Variants in CYCS observed in about 807,000 individuals in gnomAD.
The protein encoded by CYCS is cytochrome c, somatic.
For missense variants in CYCS, 87 were observed against 125.3 expected, an observed-to-expected ratio of 0.69 and a Z score of 1.46; for synonymous variants, 41 against 43.0, an observed-to-expected ratio of 0.95 and a Z score of 0.18.
Position 25,122,513 on chromosome 7 carries a change from G to C in CYCS, c.*1188C>G, listed in dbSNP as rs1334686294. ...GACTACTCTAAATGTGTATGGCACAGACTATGCATGAAATAATTCAGTATG... is the reference window on the plus strand; with the variant it reads ...GACTACTCTAAATGTGTATGGCACACACTATGCATGAAATAATTCAGTATG... On this transcript the variant is annotated 3_prime_UTR_variant, in exon 3 of 3. Coordinates refer to ENST00000305786, the MANE Select transcript of CYCS (RefSeq NM_018947.6). The C allele has an allele frequency of 2.0e-5, 3 of 152,192 alleles. No individual in the cohort carries two copies. The highest frequency in any genetic ancestry group is 4.4e-5 in the Non-Finnish European group (3 of 68,038). The allele number at this position is 152,192 out of a possible 1,614,324, so 9.4% of individuals were successfully genotyped here.
rs1489903252 is a variant in CYCS at position 25,119,677 on chromosome 7, G to A, written c.*4024C>T. ...CTACACTGCAGCCTCGAACTTCTGG[G>A]CACAAGCAGTCCTCCTGCCTCAGAG... is the stretch of plus-strand genomic sequence containing the variant. On this transcript the variant is annotated 3_prime_UTR_variant, in exon 3 of 3. Coordinates refer to ENST00000305786, the MANE Select transcript of CYCS (RefSeq NM_018947.6). Among the ~76,000 whole-genome samples the A allele has an allele frequency of 6.6e-6, 1 of 152,020 alleles. No homozygotes were observed. Among genetic ancestry groups the A allele is most frequent in the African/African-American group, 2.4e-5 (1 of 41,372 alleles).
At chr7:25,124,499 C>G (rs899555269) in intron 1 of CYCS, among the ~76,000 whole-genome samples, 6 of 152,200 alleles carry the variant, frequency 3.9e-5, no homozygotes, top group African/African-American at 1.4e-4. Context: ...TTAAAAAGAC[C>G]TAACCATTTA....
At position 25,121,404 on chromosome 7, in the gene CYCS, GTGGTGGCGGGTGCC is replaced by G. The variant is rs1783360763; in HGVS notation, c.*2283_*2296del. On this transcript the variant is annotated 3_prime_UTR_variant, in exon 3 of 3. Coordinates refer to ENST00000305786, the MANE Select transcript of CYCS (RefSeq NM_018947.6). ...CTAAAAATACAAAAATTAGCCAGGC[GTGGTGGCGGGTGCC>G]TGTAATCCCAGCTACTCAGGAGGCT... 1 of 151,876 alleles carries G rather than the reference GTGGTGGCGGGTGCC, an allele frequency of 6.6e-6. No individual in the cohort carries two copies. 9.4% of individuals were successfully genotyped at this position (151,876 alleles called of 1,614,324 possible). A position where few individuals can be genotyped will look rare whatever the true frequency, so the allele number is the denominator to read the frequency against.
rs1388421224 is a variant in CYCS, at chr7:25,122,897, T to A, written c.*804A>T. 3 of 152,268 alleles carry A rather than the reference T, an allele frequency of 2.0e-5. No homozygotes were observed. The highest frequency in any genetic ancestry group is 2.9e-5 in the Non-Finnish European group (2 of 68,042). The allele number at this position is 152,268 out of a possible 1,614,324, so 9.4% of individuals were successfully genotyped here. On this transcript the variant is annotated 3_prime_UTR_variant, in exon 3 of 3. Transcript: ENST00000305786. ...CACATAATTTTAAAATTTGTGTATATCTCCGTTACTTTAATCCTTTTAAGT... is the reference window on the plus strand; with the variant it reads ...CACATAATTTTAAAATTTGTGTATAACTCCGTTACTTTAATCCTTTTAAGT...
Position 25,124,125 on chromosome 7 carries a change from A to C in CYCS, c.-6T>G, listed in dbSNP as rs11267038. The C allele has an allele frequency of 0.049, 78,955 of 1,611,606 alleles. 2,311 individuals carry two copies. The highest frequency in any genetic ancestry group is 0.058 in the Non-Finnish European group (67,817 of 1,179,028). ...CCTTTCTCAACATCACCCATATTTA[A>C]TTCTAAAAACGAAAGCTTCAACTTA... is the stretch of plus-strand genomic sequence containing the variant. On this transcript the variant is annotated splice_region_variant and 5_prime_UTR_variant, in exon 2 of 3. Transcript: ENST00000305786.
intron 1 of CYCS, 66 bp from the exon 2 acceptor site, chr7:25,124,193 C>T (rs1191256973): frequency 1.7e-6 from 2 of 1,148,750 alleles, no homozygotes; most frequent in Non-Finnish European, 2.6e-6. Flanking sequence ...AAATGAATGA[C>T]CACTCTAGCC....
chr7:25,123,886 C>T, intron 2 of CYCS, 37 bp from the exon 3 acceptor site: 1 of 1,614,144 alleles, frequency 6.2e-7, no homozygotes, highest in Non-Finnish European at 8.5e-7. Context: ...TTTCACACTC[C>T]TGATAGTTTG....
rs1783333182 is a variant in CYCS at position 25,119,937 on chromosome 7, A to G, written c.*3764T>C. On this transcript the variant is annotated 3_prime_UTR_variant, in exon 3 of 3. Coordinates refer to ENST00000305786, the MANE Select transcript of CYCS (RefSeq NM_018947.6). ...AAGAGAAGTGCAGGAAAAGGATGAC[A>G]AAAGGTAAATCCCTAGCTACCACCA... Among the ~76,000 whole-genome samples the G allele has an allele frequency of 2.0e-5, 3 of 152,222 alleles. No homozygotes were observed. The highest frequency in any genetic ancestry group is 7.2e-5 in the African/African-American group (3 of 41,458).
Position 25,119,058 on chromosome 7 carries a change from A to G in CYCS, c.*4643T>C, listed in dbSNP as rs1783317951. ...ATGGTTATTCTGAGGCACAGAAAAT[A>G]CAGCCAAAGCAGCAGCTCAGTATGT... On this transcript the variant is annotated 3_prime_UTR_variant, in exon 3 of 3. Transcript: ENST00000305786. Among the ~76,000 whole-genome samples, 1 of 152,258 alleles carries G rather than the reference A, an allele frequency of 6.6e-6. No homozygotes were observed. Among genetic ancestry groups the G allele is most frequent in the African/African-American group, 2.4e-5 (1 of 41,476 alleles).
chr7:25,124,534 T>G (rs1296436931), intron 1 of CYCS, among the ~76,000 whole-genome samples: 2 of 152,138 alleles, frequency 1.3e-5, no homozygotes, highest in Non-Finnish European at 2.9e-5. Context: ...TAAAGCCACC[T>G]CTCCCTGAGG....
At position 25,119,591 on chromosome 7, in the gene CYCS, TA is replaced by T. The variant is rs59305133; in HGVS notation, c.*4109del. Among the ~76,000 whole-genome samples, 76 of 150,388 alleles carry T rather than the reference TA, an allele frequency of 5.1e-4. No individual in the cohort carries two copies. The highest frequency in any genetic ancestry group is 6.9e-3 in the Middle Eastern group (2 of 290). ...GCACCCAGACCACTTTTTTTTTTTT[TA>T]AAAGAGATGGAGTTTCCTTTATCTG... On this transcript the variant is annotated 3_prime_UTR_variant, in exon 3 of 3. Coordinates refer to ENST00000305786, the MANE Select transcript of CYCS (RefSeq NM_018947.6).
In CYCS at chr7:25,120,687, C is replaced by CT. The variant is rs1783346504; in HGVS notation, c.*3013dup. 6.6e-6 allele frequency: 1 copy of CT among 152,252 alleles called. No homozygotes were observed. The highest frequency in any genetic ancestry group is 2.4e-5 in the African/African-American group (1 of 41,470). 9.4% of individuals were successfully genotyped at this position (152,252 alleles called of 1,614,324 possible). A position where few individuals can be genotyped will look rare whatever the true frequency, so the allele number is the denominator to read the frequency against. On this transcript the variant is annotated 3_prime_UTR_variant, in exon 3 of 3. Transcript: ENST00000305786. The stretch of plus-strand genomic sequence containing the variant: ...GCATCTGAATACCCCTTAAATACAT[C>CT]TGGCCCTTGTTTTTGATTCTACCAA...
rs1233361085 is a variant in CYCS at position 25,120,238 on chromosome 7, A to G, written c.*3463T>C. ...GTAGCTGAGATTACAGGTGCCCACC[A>G]CCACACCTGGCTAATTTTTATGTTT... On this transcript the variant is annotated 3_prime_UTR_variant, in exon 3 of 3. Coordinates refer to ENST00000305786, the MANE Select transcript of CYCS (RefSeq NM_018947.6). 6.6e-6 allele frequency: 1 copy of G among 152,162 alleles called. No individual in the cohort carries two copies. Among genetic ancestry groups the G allele is most frequent in the Non-Finnish European group, 1.5e-5 (1 of 68,048 alleles). The allele number at this position is 152,162 out of a possible 1,614,324, so 9.4% of individuals were successfully genotyped here.
rs1783364280 is a variant in CYCS at position 25,121,599 on chromosome 7, G to C, written c.*2102C>G. The C allele has an allele frequency of 1.3e-5, 2 of 152,088 alleles. No homozygotes were observed. The highest frequency in any genetic ancestry group is 2.9e-5 in the Non-Finnish European group (2 of 68,022). The allele number at this position is 152,088 out of a possible 1,614,324, so 9.4% of individuals were successfully genotyped here. On this transcript the variant is annotated 3_prime_UTR_variant, in exon 3 of 3. Coordinates refer to ENST00000305786, the MANE Select transcript of CYCS (RefSeq NM_018947.6). ...AAAATTAAACCTAAGTTACTACTGG[G>C]CTGATTACTTCTGGGTTAAATAATA...
chr7:25,120,037 AG>A lies in CYCS; in HGVS notation c.*3663del, dbSNP rs1195535413. ...GTAAAATTATAAAGGTGAGCACAAC[AG>A]GAACTGGAATCTATTCTGAAGGGCA... On this transcript the variant is annotated 3_prime_UTR_variant, in exon 3 of 3. Coordinates refer to ENST00000305786, the MANE Select transcript of CYCS (RefSeq NM_018947.6). The A allele has an allele frequency of 1.3e-5, 2 of 152,178 alleles. No homozygotes were observed. The highest frequency in any genetic ancestry group is 4.8e-5 in the African/African-American group (2 of 41,430). The allele number at this position is 152,178 out of a possible 1,614,324, so 9.4% of individuals were successfully genotyped here.
At position 25,123,988 on chromosome 7, in the gene CYCS, G is replaced by A; in HGVS notation, c.132C>T (p.Ala44=). ...HGLFGRKTGQ[A]PGYSYTAANK... Reference sequence around the variant, plus strand: ...TGGCGGCTGTGTAAGAGTATCCAGGGGCCTGACCTGTCTTCCGCCCAAAGA... The same window carrying A: ...TGGCGGCTGTGTAAGAGTATCCAGGAGCCTGACCTGTCTTCCGCCCAAAGA... The change falls in exon 2 of 3, where the codon GCC becomes GCT. Residue 44 remains alanine (A), a synonymous_variant. Coordinates refer to ENST00000305786, the MANE Select transcript of CYCS (RefSeq NM_018947.6). The A allele has an allele frequency of 6.2e-7, 1 of 1,614,068 alleles. No homozygotes were observed. Among genetic ancestry groups the A allele is most frequent in the Non-Finnish European group, 8.5e-7 (1 of 1,180,022 alleles).
At position 25,123,855 on chromosome 7, in the gene CYCS, C is replaced by G. The variant is rs773163115; in HGVS notation, c.170-6G>C. ...ATCCTCTCCCCAGATGATGCCTAAA[C>G]AAGAAAGAATGCATCGGTTATTTCA... is the stretch of plus-strand genomic sequence containing the variant. On this transcript the variant is annotated splice_region_variant and splice_polypyrimidine_tract_variant and intron_variant, in intron 2 of 2. Coordinates refer to ENST00000305786, the MANE Select transcript of CYCS (RefSeq NM_018947.6). 4 of 1,614,116 alleles carry G rather than the reference C, an allele frequency of 2.5e-6. No homozygotes were observed. The Admixed American group carries it at 6.7e-5, about 27-fold the overall frequency.
At chr7:25,124,186 T>C in intron 1 of CYCS, 59 bp from the exon 2 acceptor site, 1 of 1,312,674 alleles carries the variant, frequency 7.6e-7, no homozygotes, top group Non-Finnish European at 1.1e-6. Context: ...ACAGTGTAAA[T>C]GAATGACCAC....
rs886062251 is a variant in CYCS at position 25,122,751 on chromosome 7, T to C, written c.*950A>G. On this transcript the variant is annotated 3_prime_UTR_variant, in exon 3 of 3. Coordinates refer to ENST00000305786, the MANE Select transcript of CYCS (RefSeq NM_018947.6). ...GCACTGACATTTAGGGCTGCTGCAC[T>C]GACATTTAGGGCTCCTGCACTTTTT... 3 of 152,014 alleles carry C rather than the reference T, an allele frequency of 2.0e-5. No individual in the cohort carries two copies. The highest frequency in any genetic ancestry group is 2.0e-4 in the Admixed American group (3 of 15,248). 9.4% of individuals were successfully genotyped at this position (152,014 alleles called of 1,614,324 possible). A position where few individuals can be genotyped will look rare whatever the true frequency, so the allele number is the denominator to read the frequency against.
Sources: allele counts gnomAD v4.1 joint callset (sites outside exome capture counted in the v4.1 genomes callset), GRCh38; gene constraint gnomAD v4.1.1; transcripts MANE v1.5; gene names NCBI Gene and HGNC (gene_info 2026-07-23, HGNC 2026-07-21).